CSMD2: variants seen among roughly 807,000 people sequenced by gnomAD.
CSMD2 encodes CUB and Sushi multiple domains 2.
Under a neutral mutation model 398.5 loss-of-function variants are expected in CSMD2, and 130 were observed. That is an observed-to-expected ratio of 0.33 (90% CI 0.28 to 0.38). CSMD2 has a LOEUF of 0.38. Among genes scored for constraint, CSMD2 ranks in the 10% least tolerant of loss-of-function variants. The pLI is 1.00. For missense variants in CSMD2, 3,829 were observed against 4,764.9 expected, an observed-to-expected ratio of 0.80 and a Z score of 5.78; for synonymous variants, 1,828 against 1,908.5, an observed-to-expected ratio of 0.96 and a Z score of 1.10.
intron 2 of CSMD2, among the ~76,000 whole-genome samples, chr1:34,060,508 G>T (rs768931412): frequency 2.0e-5 from 3 of 152,124 alleles, no homozygotes; most frequent in South Asian, 2.1e-4. Flanking sequence ...GCGGCAGCCT[G>T]GGGGGAGCTC....
intron 2 of CSMD2, among the ~76,000 whole-genome samples, chr1:34,055,599 A>G (rs565660220): frequency 6.6e-6 from 1 of 152,346 alleles, no homozygotes; most frequent in South Asian, 2.1e-4. Flanking sequence ...AGAATATTAC[A>G]AAGGATACCA....
chr1:34,073,173 T>C (rs1176876706), intron 2 of CSMD2, among the ~76,000 whole-genome samples: 3 of 152,186 alleles, frequency 2.0e-5, no homozygotes, highest in South Asian at 2.1e-4. Context: ...CAGCTAACTT[T>C]CCTGATTAAC....
chr1:33,593,796 C>T (rs767280939), intron 44 of CSMD2, among the ~76,000 whole-genome samples: 11 of 152,254 alleles, frequency 7.2e-5, no homozygotes, highest in Admixed American at 2.0e-4. Flanking sequence ...CTTGCTGTAT[C>T]TTTGTCCCTA....
intron 2 of CSMD2, among the ~76,000 whole-genome samples, chr1:34,046,203 T>C (rs906909693): frequency 6.6e-6 from 1 of 152,206 alleles, no homozygotes; most frequent in East Asian, 1.9e-4. Flanking sequence ...GATATGCAGG[T>C]GGTAGTGTCC....
intron 6 of CSMD2, among the ~76,000 whole-genome samples, chr1:33,831,192 T>A (rs1357257555): frequency 6.6e-6 from 1 of 151,766 alleles, no homozygotes; most frequent in African/African-American, 2.4e-5. Flanking sequence ...GAAGAGCAAC[T>A]CTAAGACACA....
intron 5 of CSMD2, 130 bp from the exon 6 acceptor site, chr1:33,847,126 C>T (rs893490865): frequency 2.3e-5 from 13 of 572,976 alleles, no homozygotes; most frequent in African/African-American, 5.9e-5. Flanking sequence ...GAAGGGAAGG[C>T]GGTGTTGCCC....
chr1:33,624,911 T>C lies in CSMD2; in HGVS notation c.5500+140A>G. On this transcript the variant is annotated intron_variant, in intron 34 of 70. Transcript: ENST00000373381. The surrounding 1 kb of genome is among the most constrained non-coding windows in gnomAD (Gnocchi z 4.7). ...CACAGCGCCGGGGACTGGGGTTGAC[T>C]GGGACACCCCACCTCAGCCATGCGG... is the stretch of plus-strand genomic sequence containing the variant. 2 of 948,908 alleles carry C rather than the reference T, an allele frequency of 2.1e-6. No individual in the cohort carries two copies. The highest frequency in any genetic ancestry group is 3.1e-5 in the South Asian group (2 of 64,538). The allele number at this position is 948,908 out of a possible 1,614,324, so 58.8% of individuals were successfully genotyped here. A position where few individuals can be genotyped will look rare whatever the true frequency, so the allele number is the denominator to read the frequency against.
intron 6 of CSMD2, among the ~76,000 whole-genome samples, chr1:33,841,170 G>A (rs1660810306): frequency 6.6e-6 from 1 of 152,178 alleles, no homozygotes; most frequent in Admixed American, 6.5e-5. Flanking sequence ...GAGAGGCAGT[G>A]ACAGGTATAG....
At chr1:33,939,979 C>T (rs1644612389) in intron 3 of CSMD2, among the ~76,000 whole-genome samples, 1 of 152,168 alleles carries the variant, frequency 6.6e-6, no homozygotes, top group South Asian at 2.1e-4. Context: ...ACTCCTGTAA[C>T]AGCACCACAA....
chr1:33,736,619 G>T (rs184883482), intron 15 of CSMD2, among the ~76,000 whole-genome samples: 3 of 152,328 alleles, frequency 2.0e-5, no homozygotes, highest in East Asian at 3.9e-4. Context: ...AGGGTGGCAG[G>T]TGGAGAGGAG....
At chr1:34,010,325 G>A (rs1339392651) in intron 3 of CSMD2, among the ~76,000 whole-genome samples, 1 of 152,128 alleles carries the variant, frequency 6.6e-6, no homozygotes, top group East Asian at 1.9e-4. Flanking sequence ...GGGCCTGTAA[G>A]GGAGTTATCA....
chr1:34,112,396 G>A (rs1661183548), intron 1 of CSMD2, among the ~76,000 whole-genome samples: 1 of 152,154 alleles, frequency 6.6e-6, no homozygotes, highest in African/African-American at 2.4e-5. Flanking sequence ...ACTACCTGCT[G>A]TCCAACCGCC....
chr1:33,569,261 T>C, intron 52 of CSMD2, 113 bp downstream of exon 52: 1 of 1,172,546 alleles, frequency 8.5e-7, no homozygotes, highest in Non-Finnish European at 1.2e-6. Context: ...GATTAAGCAT[T>C]TTATGTCAAT....
intron 12 of CSMD2, 131 bp downstream of exon 12, chr1:33,788,469 C>T (rs973343889): frequency 7.9e-5 from 47 of 595,522 alleles, no homozygotes; most frequent in East Asian, 1.1e-4. Context: ...GATCGTGCCA[C>T]GGCACTCCAG....
intron 5 of CSMD2, among the ~76,000 whole-genome samples, chr1:33,882,501 T>A (rs1448952592): frequency 6.6e-6 from 1 of 152,220 alleles, no homozygotes; most frequent in African/African-American, 2.4e-5. Flanking sequence ...TGACTGTTAA[T>A]CCTTTGTAGA....
chr1:34,122,294 A>G (rs2148472794), intron 1 of CSMD2, among the ~76,000 whole-genome samples: 1 of 152,114 alleles, frequency 6.6e-6, no homozygotes. Flanking sequence ...CGTGCAGGAG[A>G]AGGGAGACCC....
intron 1 of CSMD2, among the ~76,000 whole-genome samples, chr1:34,108,276 A>G (rs966906104): frequency 2.6e-5 from 4 of 151,968 alleles, no homozygotes; most frequent in African/African-American, 9.7e-5. Flanking sequence ...CCCTAATGAG[A>G]GAGAGAGAAA....
At chr1:34,016,013 C>CTG (rs72213161) in intron 3 of CSMD2, among the ~76,000 whole-genome samples, 32,759 of 148,928 alleles carry the variant, frequency 0.22, 3,809 homozygotes, top group Non-Finnish European at 0.27. Context: ...ACTCCTTGCT[C>CTG]TGTGTGTGTG....
At chr1:33,708,069 TC>T (rs1413120716) in intron 22 of CSMD2, among the ~76,000 whole-genome samples, 2 of 152,222 alleles carry the variant, frequency 1.3e-5, no homozygotes, top group Non-Finnish European at 2.9e-5. Context: ...CACGCTCAAC[TC>T]TGTGATTACA....
Sources: gnomAD v4.1 joint callset for allele counts (sites outside exome capture counted in the v4.1 genomes callset) on GRCh38, gnomAD v4.1.1 for gene constraint, Gnocchi (gnomAD v3.1) non-coding constraint, MANE v1.5 for transcripts, NCBI Gene and HGNC (gene_info 2026-07-23, HGNC 2026-07-21) for gene names.